PRR16: variants seen among roughly 807,000 people sequenced by gnomAD.
The protein encoded by PRR16 is proline rich 16, also known as protein Largen.
Under a neutral mutation model 18.2 loss-of-function variants are expected in PRR16, and 6 were observed. That is an observed-to-expected ratio of 0.33 (90% CI 0.18 to 0.65). PRR16 has a LOEUF of 0.65. Ranked by LOEUF, PRR16 falls within the 30% of genes least tolerant of loss-of-function variation. The pLI, the probability that PRR16 is intolerant of heterozygous loss-of-function variation, is 0.74. For missense variants in PRR16, 412 were observed against 376.6 expected (o/e 1.09, Z -0.78); for synonymous variants, 151 against 147.8 (o/e 1.02, Z -0.16).
chr5:120,553,531 A>C (rs529854694), intron 1 of PRR16, among the ~76,000 whole-genome samples: 3 of 152,060 alleles, frequency 2.0e-5, no homozygotes, highest in Admixed American at 2.0e-4. Flanking sequence ...GGTATTTGTA[A>C]GATCATTAGA....
At chr5:120,521,970 C>G (rs1235048284) in intron 1 of PRR16, among the ~76,000 whole-genome samples, 1 of 152,132 alleles carries the variant, frequency 6.6e-6, no homozygotes, top group Non-Finnish European at 1.5e-5. Context: ...TGGTTTCCAG[C>G]TTCATCCATA....
the PRR16 span, among the ~76,000 whole-genome samples, chr5:120,769,996 T>C: frequency 6.6e-6 from 1 of 151,972 alleles, no homozygotes; most frequent in African/African-American, 2.4e-5. Context: ...TGGTCACTTG[T>C]ATGTCTTCTT....
chr5:120,500,260 C>T (rs1223191888), intron 1 of PRR16, among the ~76,000 whole-genome samples: 1 of 152,220 alleles, frequency 6.6e-6, no homozygotes, highest in African/African-American at 2.4e-5. Context: ...TCTTCAGCTA[C>T]AAGTCTGGAA....
chr5:120,574,546 G>C (rs1254671391), intron 1 of PRR16, among the ~76,000 whole-genome samples: 1 of 136,302 alleles, frequency 7.3e-6, no homozygotes, highest in Non-Finnish European at 1.5e-5. Context: ...AGAGGTTGCA[G>C]AATCAAGATC....
At chr5:120,694,448 A>G in the PRR16 span, among the ~76,000 whole-genome samples, 229 of 152,064 alleles carry the variant, frequency 1.5e-3, 1 homozygote, top group Non-Finnish European at 2.7e-3. Flanking sequence ...ACTTTGGGAG[A>G]CCGAGGCGGG....
the PRR16 span, among the ~76,000 whole-genome samples, chr5:120,744,794 A>T: frequency 6.6e-6 from 1 of 152,090 alleles, no homozygotes; most frequent in Non-Finnish European, 1.5e-5. Context: ...TCAAAGCTAT[A>T]GCTCGCCTCT....
the PRR16 span, among the ~76,000 whole-genome samples, chr5:120,775,103 CAG>C: frequency 6.6e-6 from 1 of 152,124 alleles, no homozygotes; most frequent in African/African-American, 2.4e-5. Flanking sequence ...TTTTTATTAA[CAG>C]AAACAATATC....
chr5:120,573,558 C>T (rs191885948), intron 1 of PRR16, among the ~76,000 whole-genome samples: 135 of 152,036 alleles, frequency 8.9e-4, no homozygotes, highest in Non-Finnish European at 1.6e-3. Flanking sequence ...AGAAAGAGCA[C>T]GGTGAACTTG....
At chr5:120,760,938 C>T in the PRR16 span, among the ~76,000 whole-genome samples, 1 of 152,024 alleles carries the variant, frequency 6.6e-6, no homozygotes, top group Non-Finnish European at 1.5e-5. Flanking sequence ...CTGAGATTAC[C>T]TCCCAAACAA....
chr5:120,785,572 G>GTTTTTTTTTTT, the PRR16 span, among the ~76,000 whole-genome samples: 612 of 119,800 alleles, frequency 5.1e-3, 70 homozygotes, highest in South Asian at 9.4e-3. Context: ...TTTTGTTGTT[G>GTTTTTTTTTTT]TTGTTTTTTT....
chr5:120,478,415 A>C (rs1406697437), intron 1 of PRR16, among the ~76,000 whole-genome samples: 1 of 152,014 alleles, frequency 6.6e-6, no homozygotes, highest in Non-Finnish European at 1.5e-5. Flanking sequence ...TTCCCATTCA[A>C]CTCAACCCAT....
Position 120,686,967 on chromosome 5 carries a change from C to G in PRR16, c.*258C>G. On this transcript the variant is annotated 3_prime_UTR_variant, in exon 2 of 2. Transcript: ENST00000407149. ...CATTGTTTTTGCAATTGACCTATGA[C>G]AAACTGTGAACCTGCAGATTTCACC... 3.5e-6 allele frequency: 1 copy of G among 287,954 alleles called. No individual in the cohort carries two copies. Among genetic ancestry groups the G allele is most frequent in the East Asian group, 5.9e-5 (1 of 16,868 alleles). 17.8% of individuals were successfully genotyped at this position (287,954 alleles called of 1,614,324 possible).
At chr5:120,581,168 G>A (rs1580748970) in intron 1 of PRR16, among the ~76,000 whole-genome samples, 1 of 152,100 alleles carries the variant, frequency 6.6e-6, no homozygotes, top group South Asian at 2.1e-4. Flanking sequence ...TTTTTGGTTG[G>A]TAGGCTATTA....
At chr5:120,719,528 C>A in the PRR16 span, among the ~76,000 whole-genome samples, 1 of 152,002 alleles carries the variant, frequency 6.6e-6, no homozygotes. Context: ...ATATGAGATT[C>A]TGGACTTGTT....
At chr5:120,511,944 C>T (rs1250171879) in intron 1 of PRR16, among the ~76,000 whole-genome samples, 1 of 152,130 alleles carries the variant, frequency 6.6e-6, no homozygotes, top group Non-Finnish European at 1.5e-5. Flanking sequence ...TGTTTTTAAA[C>T]GTTTTGATGA....
At chr5:120,786,704 A>T in the PRR16 span, among the ~76,000 whole-genome samples, 3 of 151,738 alleles carry the variant, frequency 2.0e-5, no homozygotes, top group Admixed American at 6.6e-5. Context: ...GTTTAGAAAA[A>T]TTTTTTGTAT....
chr5:120,628,668 T>C (rs562278367), intron 1 of PRR16, among the ~76,000 whole-genome samples: 1 of 107,168 alleles, frequency 9.3e-6, no homozygotes, highest in Non-Finnish European at 2.3e-5. Flanking sequence ...TCTACCTACC[T>C]ATCTATCTAT....
the PRR16 span, among the ~76,000 whole-genome samples, chr5:120,693,532 G>A: frequency 1.3e-5 from 2 of 152,238 alleles, no homozygotes; most frequent in East Asian, 3.8e-4. Context: ...GCAGTCTTCA[G>A]AGTTACTGAA....
chr5:120,559,725 A>G (rs746461850), intron 1 of PRR16, among the ~76,000 whole-genome samples: 2 of 151,898 alleles, frequency 1.3e-5, no homozygotes, highest in African/African-American at 2.4e-5. Flanking sequence ...TTGGCGTTGA[A>G]TCTGTAGATT....
Sources: gnomAD v4.1 joint callset for allele counts (sites outside exome capture counted in the v4.1 genomes callset) on GRCh38, gnomAD v4.1.1 for gene constraint, MANE v1.5 for transcripts, NCBI Gene and HGNC (gene_info 2026-07-23, HGNC 2026-07-21) for gene names.